Variants in RTL4 observed in about 807,000 individuals in gnomAD.
RTL4 encodes the protein retrotransposon Gag-like protein 4.
A neutral mutation model predicts 5.3 loss-of-function variants in RTL4; 4 were observed. The ratio of observed to expected loss-of-function variants is 0.75; its 90% CI spans 0.37 to 1.72. RTL4 has a LOEUF of 1.72. RTL4 is among the 40% of genes most tolerant of loss of function. The pLI is 0.04. For missense variants in RTL4, 260 were observed against 227.1 expected (o/e 1.14, Z -0.93); for synonymous variants, 98 against 87.3 (o/e 1.12, Z -0.68).
chrX:112,443,780 G>A, the RTL4 span, among the ~76,000 whole-genome samples: 6 of 111,545 alleles, frequency 5.4e-5, no homozygotes, highest in Non-Finnish European at 1.1e-4. Context: ...TTTTAAATCA[G>A]ATTATTAGAT....
At chrX:112,178,455 T>C in the RTL4 span, among the ~76,000 whole-genome samples, 1 of 111,977 alleles carries the variant, frequency 8.9e-6, no homozygotes, top group African/African-American at 3.2e-5. Flanking sequence ...AATGTTAATT[T>C]CTTGCCTCTG....
At chrX:112,167,006 C>T in the RTL4 span, among the ~76,000 whole-genome samples, 1 of 111,467 alleles carries the variant, frequency 9.0e-6, no homozygotes, top group Non-Finnish European at 1.9e-5. Context: ...TAAGTGACTT[C>T]TTGTATTTAA....
chrX:112,293,072 C>T, the RTL4 span, among the ~76,000 whole-genome samples: 1 of 112,096 alleles, frequency 8.9e-6, no homozygotes, highest in African/African-American at 3.2e-5. Context: ...CAATCTGGAC[C>T]TCAGGCAGCT....
At chrX:112,201,800 G>A in the RTL4 span, among the ~76,000 whole-genome samples, 21,022 of 110,872 alleles carry the variant, frequency 0.19, 1,484 homozygotes, top group African/African-American at 0.22. Flanking sequence ...TTGAAGCTAC[G>A]TGCTGTTGTA....
chrX:112,413,603 G>A, the RTL4 span, among the ~76,000 whole-genome samples: 1 of 111,246 alleles, frequency 9.0e-6, no homozygotes, highest in African/African-American at 3.3e-5. Flanking sequence ...GGCACAGAAA[G>A]GCAAACTTTG....
the RTL4 span, among the ~76,000 whole-genome samples, chrX:112,402,858 G>A: frequency 9.0e-6 from 1 of 111,312 alleles, no homozygotes; most frequent in African/African-American, 3.3e-5. Context: ...ACAGCTTTAA[G>A]GAAGGACAGA....
the RTL4 span, among the ~76,000 whole-genome samples, chrX:112,242,099 C>A: frequency 2.2e-4 from 24 of 111,617 alleles, no homozygotes; most frequent in African/African-American, 6.8e-4. Context: ...GTTACTGTAG[C>A]CTTGTAGTAT....
chrX:112,265,906 ACT>A, the RTL4 span, among the ~76,000 whole-genome samples: 1 of 109,197 alleles, frequency 9.2e-6, no homozygotes, highest in East Asian at 2.9e-4. Flanking sequence ...TACACCTGAA[ACT>A]CTACTCAGAT....
the RTL4 span, among the ~76,000 whole-genome samples, chrX:112,316,014 GACTGCT>G: frequency 3.3e-4 from 37 of 112,227 alleles, no homozygotes; most frequent in Non-Finnish European, 2.4e-4. Context: ...AGTTATGCCA[GACTGCT>G]CTTTGGAATG....
chrX:112,329,682 C>G, the RTL4 span, among the ~76,000 whole-genome samples: 1 of 110,582 alleles, frequency 9.0e-6, no homozygotes, highest in African/African-American at 3.3e-5. Flanking sequence ...ATCCTGATAC[C>G]AAAGCCTGGC....
chrX:112,123,368 A>G, the RTL4 span, among the ~76,000 whole-genome samples: 2 of 112,596 alleles, frequency 1.8e-5, no homozygotes, highest in African/African-American at 6.4e-5. Context: ...TCCTTATAGG[A>G]CAAGTCAAGT....
chrX:112,289,704 C>T, the RTL4 span, among the ~76,000 whole-genome samples: 13 of 111,379 alleles, frequency 1.2e-4, no homozygotes, highest in East Asian at 2.8e-4. Context: ...CTAATATTTA[C>T]GGAACACTCA....
At chrX:112,120,811 A>G in the RTL4 span, among the ~76,000 whole-genome samples, 1 of 111,812 alleles carries the variant, frequency 8.9e-6, no homozygotes, top group Non-Finnish European at 1.9e-5. Flanking sequence ...AATTTGACAT[A>G]CAGTGAAAAT....
the RTL4 span, among the ~76,000 whole-genome samples, chrX:112,154,364 G>A: frequency 3.6e-5 from 4 of 111,654 alleles, no homozygotes; most frequent in South Asian, 3.7e-4. Flanking sequence ...TCTACTGATC[G>A]CTTCTTTCAT....
At chrX:112,304,346 G>T in the RTL4 span, among the ~76,000 whole-genome samples, 1 of 111,587 alleles carries the variant, frequency 9.0e-6, no homozygotes, top group South Asian at 3.7e-4. Context: ...TTGTGTGTGT[G>T]TGAGACTATC....
At chrX:112,193,678 C>G in the RTL4 span, among the ~76,000 whole-genome samples, 2 of 111,100 alleles carry the variant, frequency 1.8e-5, no homozygotes, top group Non-Finnish European at 3.8e-5. Context: ...CCTTCTGAGA[C>G]TCCCTTTATG....
the RTL4 span, among the ~76,000 whole-genome samples, chrX:112,197,749 C>T: frequency 9.0e-6 from 1 of 111,433 alleles, no homozygotes; most frequent in African/African-American, 3.3e-5. Flanking sequence ...GTGCTTTCTT[C>T]TCTCTACCCT....
chrX:112,163,614 G>A, the RTL4 span, among the ~76,000 whole-genome samples: 1 of 112,083 alleles, frequency 8.9e-6, no homozygotes, highest in Admixed American at 9.5e-5. Context: ...CACATTTGGA[G>A]TGAAAATTCT....
chrX:112,329,933 G>A, the RTL4 span, among the ~76,000 whole-genome samples: 1 of 107,556 alleles, frequency 9.3e-6, no homozygotes, highest in African/African-American at 3.4e-5. Flanking sequence ...AATAGATGCA[G>A]AAAAGGCCTT....
Sources: gnomAD v4.1 joint callset for allele counts (sites outside exome capture counted in the v4.1 genomes callset) on GRCh38, gnomAD v4.1.1 for gene constraint, MANE v1.5 for transcripts, NCBI Gene and HGNC (gene_info 2026-07-23, HGNC 2026-07-21) for gene names.